The following NPR1 variants were observed in gnomAD, a reference collection of about 807,000 sequenced individuals.
The protein encoded by NPR1 is natriuretic peptide receptor 1, also known as atrial natriuretic peptide receptor 1.
NPR1 carries 57 observed loss-of-function variants against 116.9 expected under a neutral mutation model. The ratio of observed to expected loss-of-function variants is 0.49; its 90% CI spans 0.39 to 0.61. The LOEUF is 0.61. NPR1 is among the 20% of genes least tolerant of loss of function. The pLI, the probability that NPR1 is intolerant of heterozygous loss-of-function variation, is 0.00. For synonymous variants in NPR1, 555 were observed against 601.6 expected, an observed-to-expected ratio of 0.92 and a Z score of 1.13; for missense variants, 1,096 against 1,409.8, an observed-to-expected ratio of 0.78 and a Z score of 3.56.
intron 4 of NPR1, among the ~76,000 whole-genome samples, chr1:153,682,063 T>A (rs1324988752): frequency 7.7e-6 from 1 of 129,810 alleles, no homozygotes; most frequent in Admixed American, 7.3e-5. Flanking sequence ...TTCTTTTTTC[T>A]TTTTTTTTTG....
In NPR1 at chr1:153,689,254, C is replaced by A; in HGVS notation, c.2631C>A (p.Ile877=). ...VQAEAFDSVT[I]YFSDIVGFTA... ...CCGAAGCCTTTGACAGTGTTACCAT[C>A]TACTTCAGTGACATTGTGGGTTTCA... The change falls in exon 17 of 22, where the codon ATC becomes ATA. Residue 877 remains isoleucine, a synonymous_variant. Transcript: ENST00000368680. The surrounding 1 kb of genome is among the most constrained non-coding windows in gnomAD (Gnocchi z 5.1). The A allele has an allele frequency of 1.2e-6, 2 of 1,614,242 alleles. No homozygotes were observed. Among genetic ancestry groups the A allele is most frequent in the Non-Finnish European group, 1.7e-6 (2 of 1,180,040 alleles).
chr1:153,689,369 C>A lies in NPR1; in HGVS notation c.2688+58C>A. On this transcript the variant is annotated intron_variant, in intron 17 of 21. Coordinates refer to ENST00000368680, the MANE Select transcript of NPR1 (RefSeq NM_000906.4). This position sits in a 1 kb window ranked among gnomAD's most constrained non-coding sequence, Gnocchi z 5.1. ...AGCTCAGCATCTGGATCCCACCAGA[C>A]CTGCCTTCTGGTTCTGCTTTACCCA... 3 of 1,613,592 alleles carry A rather than the reference C, an allele frequency of 1.9e-6. No homozygotes were observed. The highest frequency in any genetic ancestry group is 2.5e-6 in the Non-Finnish European group (3 of 1,179,534).
At position 153,686,701 on chromosome 1, in the gene NPR1, C is replaced by G. The variant is rs1329379492; in HGVS notation, c.1814C>G (p.Pro605Arg). 6.2e-7 allele frequency: 1 copy of G among 1,613,904 alleles called. No homozygotes were observed. Among genetic ancestry groups the G allele is most frequent in the Admixed American group, 1.7e-5 (1 of 59,996 alleles). The stretch of plus-strand genomic sequence containing the variant: ...AGGTTTGTGGGAGCCTGCACCGACC[C>G]CCCCAATATCTGCATCCTCACAGAG... ...LTRFVGACTD[P>R]PNICILTEYC... The change falls in exon 11 of 22, where the codon CCC becomes CGC. Residue 605 changes from proline to arginine, a missense_variant. Pro to Arg is a moderately radical substitution (Grantham distance 103). Transcript: ENST00000368680.
rs964951122 is a variant in NPR1 at position 153,684,683 on chromosome 1, C to T, written c.1485-281C>T. Among the ~76,000 whole-genome samples, 3 of 152,108 alleles carry T rather than the reference C, an allele frequency of 2.0e-5. No individual in the cohort carries two copies. The East Asian group carries it at 5.8e-4, about 29-fold the overall frequency. On this transcript the variant is annotated intron_variant, in intron 7 of 21. Transcript: ENST00000368680. Reference sequence around the variant, plus strand: ...GGGATTACAGGCATGAGCCACTGTGCCTGGCCTCATGTTCACTATTTCTTT... The same window carrying T: ...GGGATTACAGGCATGAGCCACTGTGTCTGGCCTCATGTTCACTATTTCTTT...
rs1669679845 is a variant in NPR1, at chr1:153,679,054, G to A, written c.-55G>A. 2.2e-6 allele frequency: 3 copies of A among 1,383,668 alleles called. No homozygotes were observed. Among genetic ancestry groups the A allele is most frequent in the South Asian group, 1.6e-5 (1 of 61,308 alleles). 85.7% of individuals were successfully genotyped at this position (1,383,668 alleles called of 1,614,324 possible). On this transcript the variant is annotated 5_prime_UTR_variant, in exon 1 of 22. Coordinates refer to ENST00000368680, the MANE Select transcript of NPR1 (RefSeq NM_000906.4). The surrounding 1 kb of genome is among the most constrained non-coding windows in gnomAD (Gnocchi z 4.2). ...CCTGGGACCGGCCGCTGAGCCCAAGGGGACCGAGGAGGCCATGGTAGGAGC... is the reference window on the plus strand; with the variant it reads ...CCTGGGACCGGCCGCTGAGCCCAAGAGGACCGAGGAGGCCATGGTAGGAGC...
chr1:153,689,488 T>C lies in NPR1; in HGVS notation c.2724T>C (p.Phe908=). ...VTLLNDLYTC[F]DAVIDNFDVY... is the part of the protein sequence containing the mutation. ...TGCTCAATGACCTGTACACTTGCTT[T>C]GATGCTGTCATAGACAACTTTGATG... The change falls in exon 18 of 22, where the codon TTT becomes TTC. Residue 908 remains phenylalanine, a synonymous_variant. Coordinates refer to ENST00000368680, the MANE Select transcript of NPR1 (RefSeq NM_000906.4). This position sits in a 1 kb window ranked among gnomAD's most constrained non-coding sequence, Gnocchi z 5.1. The C allele has an allele frequency of 3.1e-6, 5 of 1,614,154 alleles. No homozygotes were observed. Among genetic ancestry groups the C allele is most frequent in the Non-Finnish European group, 4.2e-6 (5 of 1,180,032 alleles).
chr1:153,690,230 C>T, intron 19 of NPR1, 54 bp from the exon 20 acceptor site: 1 of 1,411,224 alleles, frequency 7.1e-7, no homozygotes, highest in South Asian at 1.2e-5. Flanking sequence ...TCCCTTAACA[C>T]CCCTCCCTCC....
intron 9 of NPR1, 40 bp downstream of exon 9, chr1:153,685,920 C>A: frequency 6.4e-7 from 1 of 1,568,304 alleles, no homozygotes; most frequent in Non-Finnish European, 8.8e-7. Context: ...GGGACTGGGG[C>A]AGGAGTGTAC....
chr1:153,686,839 TCTTTCTGAC>T, intron 11 of NPR1, 89 bp downstream of exon 11: 1 of 1,342,138 alleles, frequency 7.5e-7, no homozygotes, highest in South Asian at 1.3e-5. Context: ...TGCCTCGCCC[TCTTTCTGAC>T]CTTTCTGGCC....
chr1:153,687,347 G>A lies in NPR1; in HGVS notation c.2083G>A (p.Val695Ile), dbSNP rs750325642. The A allele has an allele frequency of 2.4e-5, 39 of 1,613,866 alleles. No individual in the cohort carries two copies. Among genetic ancestry groups the A allele is most frequent in the South Asian group, 2.4e-4 (22 of 91,078 alleles). Residue 695 changes from valine (V) to isoleucine (I), a missense_variant, in exon 13 of 22, where the codon GTT becomes ATT. Val to Ile is a conservative substitution (Grantham distance 29). Transcript: ENST00000368680. ...CCTGGACCCAGAGCAAGGACACACC[G>A]TTTATGCCAGTGAGCCTTGACTCTT... Reference protein sequence around the residue: ...RDLDPEQGHTVYAKKLWTAPE... With the variant: ...RDLDPEQGHTIYAKKLWTAPE...
intron 10 of NPR1, 93 bp from the exon 11 acceptor site, chr1:153,686,553 G>A (rs1053576859): frequency 1.0e-6 from 1 of 994,214 alleles, no homozygotes; most frequent in African/African-American, 1.6e-5. Context: ...AAGTGAATAA[G>A]GAGTTAAGAA....
chr1:153,679,829 G>C lies in NPR1; in HGVS notation c.721G>C (p.Val241Leu), dbSNP rs1488848614. The C allele has an allele frequency of 6.5e-7, 1 of 1,538,874 alleles. No homozygotes were observed. ...GCGGACCATGCCGCGCAAAGGCCGA[G>C]GTGAGACGCTGGCACACCCCGTCCC... Reference protein sequence around the residue: ...LLRTMPRKGRVIYICSSPDAF... With the variant: ...LLRTMPRKGRLIYICSSPDAF... The change falls in exon 1 of 22, where the codon GTT (valine) becomes CTT (leucine). Residue 241 changes from valine (V) to leucine (L), a missense_variant and splice_region_variant. By Grantham distance (32) the Val-to-Leu change is conservative (BLOSUM62 1). Transcript: ENST00000368680. This position sits in a 1 kb window ranked among gnomAD's most constrained non-coding sequence, Gnocchi z 4.2.
chr1:153,681,328 C>A (rs1024742741), intron 3 of NPR1, 35 bp downstream of exon 3: 6 of 1,209,514 alleles, frequency 5.0e-6, no homozygotes, highest in Non-Finnish European at 7.4e-6. Flanking sequence ...CAGCGTGGAC[C>A]TCCAGCCCCC....
In NPR1 at chr1:153,679,507, G is replaced by A. The variant is rs1290016978; in HGVS notation, c.399G>A (p.Arg133=). Residue 133 remains arginine (R), a synonymous_variant, in exon 1 of 22, where the codon CGG becomes CGA. Coordinates refer to ENST00000368680, the MANE Select transcript of NPR1 (RefSeq NM_000906.4). The surrounding 1 kb of genome is among the most constrained non-coding windows in gnomAD (Gnocchi z 4.2). ...TGGGGCGCTTCACCGCGCACTGGCGGGTCCCGCTGCTGACCGCCGGCGCCC... is the reference window on the plus strand; with the variant it reads ...TGGGGCGCTTCACCGCGCACTGGCGAGTCCCGCTGCTGACCGCCGGCGCCC... ...APVGRFTAHW[R]VPLLTAGAPA... 3.3e-6 allele frequency: 5 copies of A among 1,536,584 alleles called. No individual in the cohort carries two copies. The highest frequency in any genetic ancestry group is 3.9e-5 in the Admixed American group (2 of 50,866).
intron 8 of NPR1, 54 bp from the exon 9 acceptor site, chr1:153,685,752 G>A (rs1669908787): frequency 1.5e-6 from 2 of 1,341,370 alleles, no homozygotes; most frequent in Non-Finnish European, 1.1e-6. Context: ...CAAGCAATCA[G>A]GATGCAGACT....
chr1:153,685,110 G>A (rs1175052396), intron 8 of NPR1, 26 bp downstream of exon 8: 2 of 1,612,234 alleles, frequency 1.2e-6, no homozygotes, highest in South Asian at 2.2e-5. Flanking sequence ...TTTGTGTTGG[G>A]GGGCAATAAA....
At chr1:153,684,653 G>A (rs778674072) in intron 7 of NPR1, among the ~76,000 whole-genome samples, 3 of 152,110 alleles carry the variant, frequency 2.0e-5, no homozygotes, top group Non-Finnish European at 4.4e-5. Context: ...GCCTCCCAAA[G>A]TGCTGGGATT....
At chr1:153,682,380 T>A in intron 4 of NPR1, 118 bp from the exon 5 acceptor site, 3 of 727,398 alleles carry the variant, frequency 4.1e-6, no homozygotes, top group Non-Finnish European at 7.3e-6. Flanking sequence ...TTACTATCAT[T>A]CTGTATACAT....
intron 2 of NPR1, 161 bp from the exon 3 acceptor site, chr1:153,681,019 C>T: frequency 3.3e-6 from 2 of 609,538 alleles, no homozygotes; most frequent in Non-Finnish European, 2.9e-6. Flanking sequence ...GGATCCCCTG[C>T]TTTGGAATGG....
Sources: allele counts gnomAD v4.1 joint callset (sites outside exome capture counted in the v4.1 genomes callset), GRCh38; gene constraint gnomAD v4.1.1; non-coding constraint Gnocchi (gnomAD v3.1); transcripts MANE v1.5; gene names NCBI Gene and HGNC (gene_info 2026-07-23, HGNC 2026-07-21).